CCNJL: variants seen among roughly 807,000 people sequenced by gnomAD.
The protein encoded by CCNJL is cyclin J like, also known as cyclin-J-like protein.
A neutral mutation model predicts 33.4 loss-of-function variants in CCNJL; 33 were observed. The observed-to-expected ratio is 0.99, with a 90% CI of 0.75 to 1.32. CCNJL has a LOEUF of 1.32. CCNJL is among the 40% of genes most tolerant of loss of function. The pLI, the probability that CCNJL is intolerant of heterozygous loss-of-function variation, is 0.00. For synonymous variants in CCNJL, 227 were observed against 220.9 expected (o/e 1.03, Z -0.24); for missense variants, 512 against 499.7 (o/e 1.02, Z -0.23).
At chr5:160,305,736 A>G (rs1461146378) in intron 2 of CCNJL, among the ~76,000 whole-genome samples, 1 of 152,210 alleles carries the variant, frequency 6.6e-6, no homozygotes, top group African/African-American at 2.4e-5. Flanking sequence ...TCAGACACTT[A>G]TTCCTGTGAG....
chr5:160,320,838 T>TTTCTTTCCTTCC (rs1554124961), intron 1 of CCNJL, among the ~76,000 whole-genome samples: 3 of 107,014 alleles, frequency 2.8e-5, no homozygotes, highest in African/African-American at 7.0e-5. Flanking sequence ...TCTTTCTTTC[T>TTTCTTTCCTTCC]TTCTTTCTTT....
intron 3 of CCNJL, 143 bp from the exon 4 acceptor site, chr5:160,259,914 C>A: frequency 1.5e-6 from 1 of 676,106 alleles, no homozygotes; most frequent in Non-Finnish European, 2.5e-6. Flanking sequence ...AATAGGAGCA[C>A]ACATTCCAGA....
intron 1 of CCNJL, among the ~76,000 whole-genome samples, chr5:160,333,850 C>T (rs746169279): frequency 2.6e-5 from 4 of 152,144 alleles, no homozygotes; most frequent in Non-Finnish European, 4.4e-5. Flanking sequence ...GTTTTCCCCT[C>T]ACTCCTAGAA....
Position 160,249,893 on chromosome 5 carries a change from T to G in CCNJL, c.*3485A>C, listed in dbSNP as rs970543602. 4 of 152,082 alleles carry G rather than the reference T, an allele frequency of 2.6e-5. No individual in the cohort carries two copies. The highest frequency in any genetic ancestry group is 9.7e-5 in the African/African-American group (4 of 41,430). 9.4% of individuals were successfully genotyped at this position (152,082 alleles called of 1,614,324 possible). A position where few individuals can be genotyped will look rare whatever the true frequency, so the allele number is the denominator to read the frequency against. On this transcript the variant is annotated 3_prime_UTR_variant, in exon 6 of 6. Transcript: ENST00000257536. Reference sequence around the variant, plus strand: ...AAAACAAACAAAGAAATCATATGCCTGAATGACCAAGAAGCTGGCTAAAGT... The same window carrying G: ...AAAACAAACAAAGAAATCATATGCCGGAATGACCAAGAAGCTGGCTAAAGT...
At chr5:160,324,966 C>T (rs1174810879) in intron 1 of CCNJL, among the ~76,000 whole-genome samples, 1 of 152,192 alleles carries the variant, frequency 6.6e-6, no homozygotes, top group Non-Finnish European at 1.5e-5. Flanking sequence ...GTATATGCTT[C>T]CAAGGTACTT....
At position 160,254,254 on chromosome 5, in the gene CCNJL, T is replaced by A; in HGVS notation, c.744-456A>T. ...TCCAGGCAATTCTGGGCCAGCTCCA[T>A]CCCCAGCGGGGTCACTCCTTAGCTA... On this transcript the variant is annotated intron_variant, in intron 5 of 5. Coordinates refer to ENST00000257536, the MANE Select transcript of CCNJL (RefSeq NM_001308173.3). The A allele has an allele frequency of 5.4e-6, 3 of 555,548 alleles. No homozygotes were observed. The East Asian group carries it at 9.4e-5, about 17-fold the overall frequency. The allele number at this position is 555,548 out of a possible 1,614,324, so 34.4% of individuals were successfully genotyped here. A position where few individuals can be genotyped will look rare whatever the true frequency, so the allele number is the denominator to read the frequency against.
intron 2 of CCNJL, among the ~76,000 whole-genome samples, chr5:160,304,899 C>T (rs1462739747): frequency 6.6e-6 from 1 of 151,990 alleles, no homozygotes; most frequent in African/African-American, 2.4e-5. Flanking sequence ...CTGCAACGTC[C>T]GCCTCCCAGG....
At chr5:160,325,498 C>T (rs114006452) in intron 1 of CCNJL, among the ~76,000 whole-genome samples, 263 of 152,250 alleles carry the variant, frequency 1.7e-3, no homozygotes, top group African/African-American at 6.1e-3. Flanking sequence ...AAAACTTTAC[C>T]TAACTGTTAA....
chr5:160,256,279 T>C (rs1761058498), intron 4 of CCNJL, among the ~76,000 whole-genome samples: 1 of 152,232 alleles, frequency 6.6e-6, no homozygotes, highest in African/African-American at 2.4e-5. Context: ...GCTGATGTTC[T>C]ACAAATAGAA....
Position 160,259,537 on chromosome 5 carries a change from G to A in CCNJL, c.515C>T (p.Thr172Ile). The part of the protein sequence containing the change: ...KDHHCHTWPT[T>I]CPRKTKECLK... ...GCACTCTTTGGTCTTGCGGGGGCAG[G>A]TGGTGGGCCAGGTGTGGCAGTGGTG... Residue 172 changes from threonine to isoleucine, a missense_variant, in exon 4 of 6, where the codon ACC becomes ATC. Coordinates refer to ENST00000257536, the MANE Select transcript of CCNJL (RefSeq NM_001308173.3). 6.2e-7 allele frequency: 1 copy of A among 1,614,228 alleles called. No homozygotes were observed. The highest frequency in any genetic ancestry group is 1.1e-5 in the South Asian group (1 of 91,090).
intron 3 of CCNJL, among the ~76,000 whole-genome samples, chr5:160,277,736 GTCTA>G (rs201499948): frequency 0.026 from 3,889 of 146,806 alleles, 81 homozygotes; most frequent in South Asian, 0.049. Context: ...TCTGCTTCCT[GTCTA>G]TCTGTTTTTT....
chr5:160,273,639 C>A (rs1427672312), intron 3 of CCNJL, among the ~76,000 whole-genome samples: 1 of 136,296 alleles, frequency 7.3e-6, no homozygotes, highest in Non-Finnish European at 1.5e-5. Flanking sequence ...GAAAGTGCCG[C>A]CACTTTTTTT....
intron 3 of CCNJL, among the ~76,000 whole-genome samples, chr5:160,272,843 C>T (rs1381915647): frequency 1.3e-5 from 2 of 152,172 alleles, no homozygotes; most frequent in African/African-American, 2.4e-5. Flanking sequence ...GGGAATTTAT[C>T]TTACAGACAG....
chr5:160,269,734 T>C (rs1761756043), intron 3 of CCNJL, among the ~76,000 whole-genome samples: 1 of 152,132 alleles, frequency 6.6e-6, no homozygotes. Flanking sequence ...TCTCTCCGCG[T>C]TCTGACCTGA....
At position 160,312,037 on chromosome 5, in the gene CCNJL, A is replaced by G. The variant is rs1763280879; in HGVS notation, c.-49-65T>C. On this transcript the variant is annotated intron_variant, in intron 1 of 5. Transcript: ENST00000257536. ...CCGGGCTCCGACCCCCGGTGTCCCTATCCTCTCTCGCCCCTGGCCCCGGGC... is the reference window on the plus strand; with the variant it reads ...CCGGGCTCCGACCCCCGGTGTCCCTGTCCTCTCTCGCCCCTGGCCCCGGGC... 5.8e-6 allele frequency: 6 copies of G among 1,032,676 alleles called. No homozygotes were observed. The Admixed American group carries it at 1.1e-4, about 20-fold the overall frequency. The allele number at this position is 1,032,676 out of a possible 1,614,324, so 64.0% of individuals were successfully genotyped here.
intron 2 of CCNJL, among the ~76,000 whole-genome samples, chr5:160,291,532 T>A (rs926542780): frequency 2.0e-5 from 3 of 152,100 alleles, no homozygotes; most frequent in African/African-American, 7.2e-5. Context: ...CAGAGTAACA[T>A]CCCAGAAAGC....
At position 160,252,063 on chromosome 5, in the gene CCNJL, A is replaced by G. The variant is rs546717287; in HGVS notation, c.*1315T>C. 6.5e-6 allele frequency: 1 copy of G among 152,730 alleles called. No homozygotes were observed. The highest frequency in any genetic ancestry group is 2.4e-5 in the African/African-American group (1 of 41,552). The allele number at this position is 152,730 out of a possible 1,614,324, so 9.5% of individuals were successfully genotyped here. ...CAGGTATTCCTCAAACAAAACAAAA[A>G]TTGCTTCCACGGTCCTTTGCACCTC... On this transcript the variant is annotated 3_prime_UTR_variant, in exon 6 of 6. Transcript: ENST00000257536.
At chr5:160,294,625 A>G (rs904359882) in intron 2 of CCNJL, 3 of 152,482 alleles carry the variant, frequency 2.0e-5, no homozygotes, top group Non-Finnish European at 4.4e-5. Context: ...GGGGCCTCCA[A>G]ACACCCCCAT....
At chr5:160,300,625 G>A (rs947169024) in intron 2 of CCNJL, among the ~76,000 whole-genome samples, 1 of 152,096 alleles carries the variant, frequency 6.6e-6, no homozygotes, top group Non-Finnish European at 1.5e-5. Context: ...TGTGGCCCAA[G>A]AAAGCCAAAA....
Sources: allele counts gnomAD v4.1 joint callset (sites outside exome capture counted in the v4.1 genomes callset), GRCh38; gene constraint gnomAD v4.1.1; transcripts MANE v1.5; gene names NCBI Gene and HGNC (gene_info 2026-07-23, HGNC 2026-07-21).